Variants in PAH observed in about 807,000 individuals in gnomAD.
PAH encodes the protein phenylalanine hydroxylase, also known as phenylalanine-4-hydroxylase.
Under a neutral mutation model 62.0 loss-of-function variants are expected in PAH, and 64 were observed. The observed-to-expected ratio is 1.03, with a 90% CI of 0.84 to 1.27. The LOEUF (loss-of-function observed/expected upper bound fraction) is 1.27, where lower values mean the gene tolerates loss of function less well. PAH is among the 50% of genes most tolerant of loss of function. PAH has a pLI of 0.00. For missense variants in PAH, 579 were observed against 542.8 expected, an observed-to-expected ratio of 1.07 and a Z score of -0.66; for synonymous variants, 195 against 196.2, an observed-to-expected ratio of 0.99 and a Z score of 0.05.
chr12:102,933,420 G>T (rs1225778370), intron 1 of PAH, among the ~76,000 whole-genome samples: 1 of 152,060 alleles, frequency 6.6e-6, no homozygotes, highest in African/African-American at 2.4e-5. Flanking sequence ...ATTGTGAATA[G>T]TGCTGCAATA....
chr12:102,907,845 T>C (rs555378130), intron 2 of PAH, among the ~76,000 whole-genome samples: 1 of 152,276 alleles, frequency 6.6e-6, no homozygotes, highest in East Asian at 1.9e-4. Context: ...TTTGAACTCC[T>C]GGCCTCAAGT....
intron 1 of PAH, among the ~76,000 whole-genome samples, chr12:102,916,751 A>C (rs1242868962): frequency 6.6e-6 from 1 of 152,244 alleles, no homozygotes; most frequent in African/African-American, 2.4e-5. Flanking sequence ...TGTACAGAAG[A>C]GTAAACAGAC....
chr12:102,940,126 A>G (rs992308650), intron 1 of PAH, among the ~76,000 whole-genome samples: 4 of 152,246 alleles, frequency 2.6e-5, no homozygotes, highest in Non-Finnish European at 5.9e-5. Flanking sequence ...AGCCACAAAG[A>G]CAGACCCTGC....
In PAH at chr12:102,838,921, C is replaced by T. The variant is rs910792162; in HGVS notation, c.*254G>A. The T allele has an allele frequency of 1.9e-6, 1 of 532,916 alleles. No homozygotes were observed. Among genetic ancestry groups the T allele is most frequent in the African/African-American group, 1.9e-5 (1 of 52,540 alleles). 33.0% of individuals were successfully genotyped at this position (532,916 alleles called of 1,614,324 possible). On this transcript the variant is annotated 3_prime_UTR_variant, in exon 13 of 13. Coordinates refer to ENST00000553106, the MANE Select transcript of PAH (RefSeq NM_000277.3). ...GAAATGCGACAGATTACTGATTTAA[C>T]TCAATTGAGAGTATGGGATTATCAT... is the stretch of plus-strand genomic sequence containing the variant.
At chr12:102,903,346 G>A (rs1273388651) in intron 2 of PAH, among the ~76,000 whole-genome samples, 6 of 141,424 alleles carry the variant, frequency 4.2e-5, no homozygotes, top group South Asian at 4.6e-4. Context: ...GGGGGATAGA[G>A]TGAGATTCTG....
intron 4 of PAH, among the ~76,000 whole-genome samples, chr12:102,874,698 G>A (rs143157107): frequency 1.8e-3 from 276 of 152,314 alleles, no homozygotes; most frequent in African/African-American, 6.4e-3. Flanking sequence ...AAAGGAAGGA[G>A]ACTGGGAAAG....
At chr12:102,883,248 T>C (rs1036604002) in intron 3 of PAH, among the ~76,000 whole-genome samples, 7 of 152,190 alleles carry the variant, frequency 4.6e-5, no homozygotes, top group Admixed American at 6.5e-5. Context: ...AGAAGTACAG[T>C]CACTACATTT....
intron 1 of PAH, among the ~76,000 whole-genome samples, chr12:102,927,487 G>A (rs1054697622): frequency 8.8e-5 from 13 of 147,910 alleles, no homozygotes; most frequent in African/African-American, 2.9e-4. Context: ...ACTAAGCATG[G>A]TGCCTGATGC....
At chr12:102,892,567 A>C (rs1232379513) in intron 3 of PAH, among the ~76,000 whole-genome samples, 1 of 152,256 alleles carries the variant, frequency 6.6e-6, no homozygotes, top group Non-Finnish European at 1.5e-5. Flanking sequence ...ATGAATAAAC[A>C]AACTGTGGTA....
At chr12:102,849,005 C>A (rs1875026777) in intron 8 of PAH, among the ~76,000 whole-genome samples, 2 of 152,206 alleles carry the variant, frequency 1.3e-5, no homozygotes, top group East Asian at 1.9e-4. Context: ...GTAGACAGAA[C>A]ACATGGAGAC....
chr12:102,854,829 CA>C (rs1014030234), intron 6 of PAH: 26 of 419,826 alleles, frequency 6.2e-5, no homozygotes, highest in African/African-American at 1.6e-4. Flanking sequence ...CAAAACAAAA[CA>C]AAAAAAAACC....
At chr12:102,896,786 G>A (rs1336875491) in intron 2 of PAH, among the ~76,000 whole-genome samples, 4 of 152,054 alleles carry the variant, frequency 2.6e-5, no homozygotes, top group East Asian at 1.9e-4. Context: ...GGAATCCAAC[G>A]GGAAAAAAAG....
At chr12:102,924,291 C>T (rs928488031) in intron 1 of PAH, among the ~76,000 whole-genome samples, 1 of 152,132 alleles carries the variant, frequency 6.6e-6, no homozygotes, top group Non-Finnish European at 1.5e-5. Context: ...TAGAAAGTCT[C>T]AAACTCCAAA....
chr12:102,877,181 T>G (rs1447526186), intron 4 of PAH: 1 of 468,224 alleles, frequency 2.1e-6, no homozygotes, highest in Non-Finnish European at 3.9e-6. Flanking sequence ...CAATGATGAT[T>G]TGCATCTGTG....
At chr12:102,870,059 A>G (rs1029927383) in intron 4 of PAH, among the ~76,000 whole-genome samples, 1 of 152,180 alleles carries the variant, frequency 6.6e-6, no homozygotes, top group Non-Finnish European at 1.5e-5. Flanking sequence ...AGGGGATAGA[A>G]GACGGGAGAA....
intron 1 of PAH, among the ~76,000 whole-genome samples, chr12:102,939,077 C>T (rs1177265870): frequency 6.6e-6 from 1 of 152,094 alleles, no homozygotes; most frequent in African/African-American, 2.4e-5. Flanking sequence ...GAGAGGAGCC[C>T]AGTCTCTCTT....
chr12:102,910,193 G>T (rs1184769520), intron 2 of PAH, among the ~76,000 whole-genome samples: 2 of 152,122 alleles, frequency 1.3e-5, no homozygotes, highest in Admixed American at 6.5e-5. Context: ...AGCACGCAAG[G>T]AAGTGCTGCA....
chr12:102,883,982 G>A (rs1413425016), intron 3 of PAH, among the ~76,000 whole-genome samples: 1 of 152,214 alleles, frequency 6.6e-6, no homozygotes, highest in Non-Finnish European at 1.5e-5. Flanking sequence ...TCTTAGAATG[G>A]TGTCTGGCAC....
chr12:102,936,430 C>T (rs1354658570), intron 1 of PAH, among the ~76,000 whole-genome samples: 1 of 152,056 alleles, frequency 6.6e-6, no homozygotes, highest in Non-Finnish European at 1.5e-5. Flanking sequence ...ATTGATATTT[C>T]TTTGTTAATT....
Sources: allele counts gnomAD v4.1 joint callset (sites outside exome capture counted in the v4.1 genomes callset), GRCh38; gene constraint gnomAD v4.1.1; transcripts MANE v1.5; gene names NCBI Gene and HGNC (gene_info 2026-07-23, HGNC 2026-07-21).